The following THSD4 variants were observed in gnomAD, a reference collection of about 807,000 sequenced individuals.
THSD4 encodes the protein thrombospondin type 1 domain containing 4, also known as thrombospondin type-1 domain-containing protein 4.
In THSD4, 69 loss-of-function variants were observed where a neutral mutation model predicts 119.0. The ratio of observed to expected loss-of-function variants is 0.58; its 90% CI spans 0.48 to 0.71. The LOEUF is 0.71. Ranked by LOEUF, THSD4 falls within the 30% of genes least tolerant of loss-of-function variation. THSD4 has a pLI of 0.00. For missense variants in THSD4, 1,393 were observed against 1,391.1 expected (o/e 1.00, Z -0.02); for synonymous variants, 524 against 540.4 (o/e 0.97, Z 0.42).
intron 6 of THSD4, among the ~76,000 whole-genome samples, chr15:71,370,879 TGTTAAA>T (rs1242121115): frequency 1.3e-5 from 2 of 152,170 alleles, no homozygotes; most frequent in Admixed American, 6.5e-5. Flanking sequence ...GACAGTGGGG[TGTTAAA>T]GTCTCCCATT....
At chr15:71,634,506 A>T (rs2050699407) in intron 7 of THSD4, among the ~76,000 whole-genome samples, 1 of 152,226 alleles carries the variant, frequency 6.6e-6, no homozygotes, top group African/African-American at 2.4e-5. Flanking sequence ...TCCCAATGCC[A>T]TGTCCACTTT....
At chr15:71,308,142 GA>G (rs1297661130) in intron 6 of THSD4, among the ~76,000 whole-genome samples, 1 of 152,142 alleles carries the variant, frequency 6.6e-6, no homozygotes, top group Admixed American at 6.5e-5. Flanking sequence ...TATGTTCTCA[GA>G]CATACAAAAA....
At chr15:71,468,943 G>A (rs1050005525) in intron 7 of THSD4, among the ~76,000 whole-genome samples, 5 of 152,224 alleles carry the variant, frequency 3.3e-5, no homozygotes, top group African/African-American at 1.2e-4. Context: ...TTACAAAGTA[G>A]ACTGGGAAAT....
chr15:71,252,960 C>G (rs891510854), intron 5 of THSD4, among the ~76,000 whole-genome samples: 2 of 152,172 alleles, frequency 1.3e-5, no homozygotes, highest in African/African-American at 4.8e-5. Context: ...CTTCCACGTC[C>G]GGGCCCAAGA....
chr15:71,434,803 T>C (rs1281053167), intron 7 of THSD4, among the ~76,000 whole-genome samples: 1 of 152,200 alleles, frequency 6.6e-6, no homozygotes, highest in East Asian at 1.9e-4. Context: ...AACAATCCTT[T>C]ACAATTTCTT....
chr15:71,587,762 T>A, intron 7 of THSD4, among the ~76,000 whole-genome samples: 2 of 81,504 alleles, frequency 2.5e-5, no homozygotes, highest in African/African-American at 4.2e-5. Flanking sequence ...ACCCTAAAAC[T>A]TAGAGTATAA....
rs193299966 is a variant in THSD4 at position 71,136,857 on chromosome 15, C to T, written c.-79-4592C>T. On this transcript the variant is annotated intron_variant, in intron 1 of 17. Coordinates refer to ENST00000261862, the MANE Select transcript of THSD4 (RefSeq NM_024817.3). ...CAGAGGTGGGCCTGTGTGTAAGGGG[C>T]GGCAGAATGGTGTCATAGTTCAGGC... Among the ~76,000 whole-genome samples the T allele has an allele frequency of 3.0e-3, 464 of 152,168 alleles. 2 individuals are homozygous for T. Among genetic ancestry groups the T allele is most frequent in the Non-Finnish European group, 4.5e-3 (308 of 68,002 alleles).
At chr15:71,472,919 G>GAC (rs767939622) in intron 7 of THSD4, among the ~76,000 whole-genome samples, 46 of 152,304 alleles carry the variant, frequency 3.0e-4, no homozygotes, top group Non-Finnish European at 2.1e-4. Flanking sequence ...CTGGCACGGA[G>GAC]AATACCTGAT....
At chr15:71,315,070 A>G (rs1290138158) in intron 6 of THSD4, among the ~76,000 whole-genome samples, 1 of 152,132 alleles carries the variant, frequency 6.6e-6, no homozygotes, top group Non-Finnish European at 1.5e-5. Context: ...CTCTGCAATC[A>G]GGAATATGTT....
chr15:71,637,791 C>T (rs1363738845), intron 7 of THSD4, among the ~76,000 whole-genome samples: 1 of 151,450 alleles, frequency 6.6e-6, no homozygotes. Context: ...AATGGTGTGA[C>T]CTCAGCTCAG....
chr15:71,501,937 C>A (rs78309370), intron 7 of THSD4, among the ~76,000 whole-genome samples: 6,897 of 152,314 alleles, frequency 0.045, 220 homozygotes, highest in Middle Eastern at 0.11. Context: ...GGGAACAAAT[C>A]ATGCAGAGAA....
At chr15:71,144,234 A>G (rs1460938781) in intron 2 of THSD4, among the ~76,000 whole-genome samples, 9 of 152,242 alleles carry the variant, frequency 5.9e-5, no homozygotes, top group Non-Finnish European at 1.3e-4. Flanking sequence ...TCCCTTCTTC[A>G]TAAACCAGGT....
chr15:71,748,729 G>C, intron 14 of THSD4, 135 bp downstream of exon 14: 565 of 1,050,172 alleles, frequency 5.4e-4, no homozygotes, highest in Non-Finnish European at 6.8e-4. Flanking sequence ...GCCCAGAGAG[G>C]AATTATCGTA....
chr15:71,492,310 G>A (rs977635165), intron 7 of THSD4, among the ~76,000 whole-genome samples: 1 of 151,708 alleles, frequency 6.6e-6, no homozygotes, highest in Admixed American at 6.6e-5. Flanking sequence ...TGTCACCCAG[G>A]CTGGAGTACA....
At chr15:71,165,414 C>T (rs757959983) in intron 3 of THSD4, 19 of 1,490,672 alleles carry the variant, frequency 1.3e-5, no homozygotes, top group Non-Finnish European at 1.7e-5. Context: ...CTCCTTTGCC[C>T]ATGTTTAGTT....
chr15:71,675,761 G>T (rs1170047811), intron 8 of THSD4, among the ~76,000 whole-genome samples: 6 of 152,186 alleles, frequency 3.9e-5, no homozygotes, highest in African/African-American at 1.4e-4. Context: ...CAATTTGTGA[G>T]GGGTGGAGTC....
intron 14 of THSD4, among the ~76,000 whole-genome samples, chr15:71,751,230 T>A (rs547572187): frequency 3.9e-5 from 6 of 152,338 alleles, no homozygotes; most frequent in Non-Finnish European, 8.8e-5. Flanking sequence ...CTTGATGGAT[T>A]TCCTGTATCA....
rs1272485310 is a variant in THSD4 at position 71,442,686 on chromosome 15, A to G, written c.1152+30863A>G. On this transcript the variant is annotated intron_variant, in intron 7 of 17. Transcript: ENST00000261862. ...TATATATATATATATATATATATAT[A>G]TATATATATATATATATGAAGGGAG... is the stretch of plus-strand genomic sequence containing the variant. 1.9e-3 allele frequency among the ~76,000 whole-genome samples: 213 copies of G among 112,862 alleles called. 25 individuals carry two copies. The highest frequency in any genetic ancestry group is 4.9e-3 in the African/African-American group (156 of 31,810). 74.0% of individuals were successfully genotyped at this position (112,862 alleles called of 152,430 possible). A position where few individuals can be genotyped will look rare whatever the true frequency, so the allele number is the denominator to read the frequency against.
At chr15:71,774,303 T>A (rs1157538337) in intron 17 of THSD4, among the ~76,000 whole-genome samples, 1 of 100,240 alleles carries the variant, frequency 1.0e-5, no homozygotes, top group Admixed American at 1.1e-4. Flanking sequence ...AGAGTGAGAC[T>A]CTGTCTCAAA....
Sources: allele counts gnomAD v4.1 joint callset (sites outside exome capture counted in the v4.1 genomes callset), GRCh38; gene constraint gnomAD v4.1.1; transcripts MANE v1.5; gene names NCBI Gene and HGNC (gene_info 2026-07-23, HGNC 2026-07-21).